The following MED27 variants were observed in gnomAD, a reference collection of about 807,000 sequenced individuals.
MED27 encodes mediator complex subunit 27.
A neutral mutation model predicts 38.2 loss-of-function variants in MED27; 30 were observed. The ratio of observed to expected loss-of-function variants is 0.79; its 90% CI spans 0.59 to 1.07. The LOEUF (loss-of-function observed/expected upper bound fraction) is 1.07. MED27 is among the 50% of genes least tolerant of loss of function. MED27 has a pLI of 0.00. For missense variants in MED27, 289 were observed against 397.5 expected (o/e 0.73, Z 2.32); for synonymous variants, 122 against 153.5 (o/e 0.79, Z 1.52).
At chr9:132,042,322 C>T (rs1833234751) in intron 2 of MED27, among the ~76,000 whole-genome samples, 1 of 152,192 alleles carries the variant, frequency 6.6e-6, no homozygotes, top group Admixed American at 6.5e-5. Flanking sequence ...CCTATTTATA[C>T]ATTGTATAAA....
intron 3 of MED27, among the ~76,000 whole-genome samples, chr9:131,959,943 G>C (rs1831180298): frequency 6.6e-6 from 1 of 152,014 alleles, no homozygotes; most frequent in Non-Finnish European, 1.5e-5. Context: ...CTAAGCCTGA[G>C]GACTAAAGAT....
At chr9:131,932,481 T>C (rs1355060242) in intron 4 of MED27, among the ~76,000 whole-genome samples, 1 of 151,472 alleles carries the variant, frequency 6.6e-6, no homozygotes, top group Admixed American at 6.6e-5. Context: ...GTGGCTACTA[T>C]GAGCAACTAC....
chr9:132,069,224 A>C (rs1228974977), intron 2 of MED27, among the ~76,000 whole-genome samples: 2 of 152,174 alleles, frequency 1.3e-5, no homozygotes, highest in Non-Finnish European at 1.5e-5. Flanking sequence ...AGTGGCTCCC[A>C]GACGGCAAGT....
intron 3 of MED27, among the ~76,000 whole-genome samples, chr9:131,964,609 A>C (rs914271210): frequency 6.6e-6 from 1 of 152,156 alleles, no homozygotes; most frequent in African/African-American, 2.4e-5. Flanking sequence ...CAAGAGAAAG[A>C]AGGCGGCAAG....
intron 3 of MED27, among the ~76,000 whole-genome samples, chr9:131,960,753 A>G (rs929212890): frequency 1.3e-5 from 2 of 152,188 alleles, no homozygotes; most frequent in Non-Finnish European, 2.9e-5. Flanking sequence ...AGGTATACAA[A>G]GCCTTAACAA....
intron 5 of MED27, among the ~76,000 whole-genome samples, chr9:131,891,224 CGTGAAAGA>C (rs201980522): frequency 0.011 from 1,717 of 152,242 alleles, 31 homozygotes; most frequent in African/African-American, 0.039. Context: ...CGTGCAAATA[CGTGAAAGA>C]GTCTGGCATG....
chr9:131,977,934 G>A (rs1225626062), intron 3 of MED27, among the ~76,000 whole-genome samples: 2 of 152,108 alleles, frequency 1.3e-5, no homozygotes, highest in African/African-American at 2.4e-5. Flanking sequence ...TAGATGAACC[G>A]GGAAGATGGC....
At chr9:132,046,384 G>A (rs1833337869) in intron 2 of MED27, among the ~76,000 whole-genome samples, 1 of 151,820 alleles carries the variant, frequency 6.6e-6, no homozygotes, top group Non-Finnish European at 1.5e-5. Context: ...AATATAAACT[G>A]GTATAGCTAT....
intron 2 of MED27, among the ~76,000 whole-genome samples, chr9:132,059,567 G>A (rs892965268): frequency 4.6e-5 from 7 of 152,346 alleles, no homozygotes; most frequent in Admixed American, 1.3e-4. Context: ...GCCAGAGGCA[G>A]CAATCTGAGG....
At chr9:132,009,453 C>T (rs1023481632) in intron 3 of MED27, among the ~76,000 whole-genome samples, 13 of 152,216 alleles carry the variant, frequency 8.5e-5, no homozygotes, top group African/African-American at 3.1e-4. Flanking sequence ...AAAAGGATGG[C>T]TGCTGCCTGG....
chr9:131,967,844 A>C (rs1390674619), intron 3 of MED27, among the ~76,000 whole-genome samples: 1 of 117,082 alleles, frequency 8.5e-6, no homozygotes, highest in East Asian at 2.5e-4. Flanking sequence ...TTTGAGACGG[A>C]GTCTCGCTCT....
intron 4 of MED27, among the ~76,000 whole-genome samples, chr9:131,922,627 A>C (rs1346780852): frequency 1.6e-4 from 21 of 129,682 alleles, no homozygotes; most frequent in African/African-American, 3.5e-4. Context: ...TTTTATTTTT[A>C]TTTTTTTCTT....
At chr9:131,973,730 C>T (rs967308201) in intron 3 of MED27, among the ~76,000 whole-genome samples, 14 of 151,984 alleles carry the variant, frequency 9.2e-5, no homozygotes, top group African/African-American at 1.7e-4. Flanking sequence ...TTCTTCGAGA[C>T]GGAGTCTTGC....
intron 4 of MED27, among the ~76,000 whole-genome samples, chr9:131,908,437 G>C (rs934235765): frequency 1.3e-5 from 2 of 152,244 alleles, no homozygotes; most frequent in Non-Finnish European, 2.9e-5. Context: ...AATAGAAAGC[G>C]GGGAAAGGTG....
intron 6 of MED27, among the ~76,000 whole-genome samples, chr9:131,873,124 C>A (rs1248915765): frequency 6.6e-6 from 1 of 152,174 alleles, no homozygotes; most frequent in Non-Finnish European, 1.5e-5. Flanking sequence ...TTGCCAAGGA[C>A]AGACCCACCA....
intron 4 of MED27, among the ~76,000 whole-genome samples, chr9:131,909,487 G>C (rs991518058): frequency 1.1e-4 from 16 of 152,206 alleles, no homozygotes; most frequent in African/African-American, 3.9e-4. Context: ...AAACAGGACT[G>C]TCCTCTTGAT....
chr9:131,915,264 C>T (rs1830268339), intron 4 of MED27, among the ~76,000 whole-genome samples: 1 of 152,152 alleles, frequency 6.6e-6, no homozygotes, highest in Admixed American at 6.5e-5. Context: ...TAAACTGTAG[C>T]TAGTATTATG....
intron 3 of MED27, among the ~76,000 whole-genome samples, chr9:131,999,389 A>C (rs1289855394): frequency 6.6e-6 from 1 of 152,182 alleles, no homozygotes; most frequent in Non-Finnish European, 1.5e-5. Context: ...GTGAGACCCA[A>C]GTCTGGAAAA....
intron 4 of MED27, among the ~76,000 whole-genome samples, chr9:131,926,285 C>T (rs887074449): frequency 3.3e-5 from 5 of 151,970 alleles, no homozygotes; most frequent in Admixed American, 6.5e-5. Flanking sequence ...TAAATATGAA[C>T]GCCTTAGTAG....
Sources: gnomAD v4.1 joint callset for allele counts (sites outside exome capture counted in the v4.1 genomes callset) on GRCh38, gnomAD v4.1.1 for gene constraint, MANE v1.5 for transcripts, NCBI Gene and HGNC (gene_info 2026-07-23, HGNC 2026-07-21) for gene names.